The following RERG variants were observed in gnomAD, a reference collection of about 807,000 sequenced individuals.
RERG encodes the protein RAS like estrogen regulated growth inhibitor.
A neutral mutation model predicts 23.2 loss-of-function variants in RERG; 25 were observed. The ratio of observed to expected loss-of-function variants is 1.08; its 90% CI spans 0.79 to 1.50. The LOEUF is 1.50. RERG is among the 40% of genes most tolerant of loss of function. The probability of loss-of-function intolerance (pLI) is 0.00; values close to 1 mark genes in which losing one functional copy is unlikely to be tolerated. For missense variants in RERG, 253 were observed against 250.1 expected, an observed-to-expected ratio of 1.01 and a Z score of -0.08; for synonymous variants, 81 against 89.1, an observed-to-expected ratio of 0.91 and a Z score of 0.51.
chr12:15,205,513 C>T (rs1020870202), intron 2 of RERG, among the ~76,000 whole-genome samples: 6 of 152,014 alleles, frequency 3.9e-5, no homozygotes, highest in African/African-American at 1.4e-4. Flanking sequence ...CACTGTTATT[C>T]ATACTACCAT....
intron 2 of RERG, among the ~76,000 whole-genome samples, chr12:15,126,683 A>G (rs546248380): frequency 6.6e-6 from 1 of 151,890 alleles, no homozygotes; most frequent in African/African-American, 2.4e-5. Context: ...TTTAAAATGT[A>G]CTAACTCATA....
chr12:15,137,802 G>C (rs1356012728), intron 2 of RERG: 2 of 427,132 alleles, frequency 4.7e-6, no homozygotes, highest in Non-Finnish European at 9.2e-6. Flanking sequence ...TAAATTAAGA[G>C]TAAGAAAAAT....
At chr12:15,113,338 C>G (rs4417352) in intron 3 of RERG, among the ~76,000 whole-genome samples, 4,386 of 151,584 alleles carry the variant, frequency 0.029, 216 homozygotes, top group African/African-American at 0.1. Context: ...AAAACAAAAC[C>G]AAAGCATGGT....
At chr12:15,177,143 C>T (rs10846158) in intron 2 of RERG, among the ~76,000 whole-genome samples, 17,686 of 152,232 alleles carry the variant, frequency 0.12, 1,049 homozygotes, top group Middle Eastern at 0.16. Context: ...ATGATAAGTT[C>T]TAGTTTCTTA....
chr12:15,178,388 G>A (rs575179155), intron 2 of RERG, among the ~76,000 whole-genome samples: 3 of 128,050 alleles, frequency 2.3e-5, no homozygotes, highest in South Asian at 2.5e-4. Context: ...ACTAATAAAT[G>A]AGCTTGATCT....
chr12:15,188,652 A>G (rs1438776091), intron 2 of RERG, among the ~76,000 whole-genome samples: 1 of 152,258 alleles, frequency 6.6e-6, no homozygotes, highest in Non-Finnish European at 1.5e-5. Context: ...TATCTAGCAC[A>G]TAACAGGTGG....
At chr12:15,197,473 GCT>G (rs1235045393) in intron 2 of RERG, among the ~76,000 whole-genome samples, 2 of 152,134 alleles carry the variant, frequency 1.3e-5, no homozygotes, top group Non-Finnish European at 2.9e-5. Context: ...TCAGGTACCA[GCT>G]CTGCCACTTA....
intron 2 of RERG, among the ~76,000 whole-genome samples, chr12:15,168,063 T>C (rs531638439): frequency 1.3e-5 from 2 of 152,350 alleles, no homozygotes; most frequent in Admixed American, 6.5e-5. Context: ...CACCTTTTTG[T>C]TGGGACACTC....
intron 2 of RERG, among the ~76,000 whole-genome samples, chr12:15,144,439 G>C (rs1171711743): frequency 6.6e-6 from 1 of 152,174 alleles, no homozygotes; most frequent in African/African-American, 2.4e-5. Context: ...ACTTTAAACA[G>C]TTGGGCTGAT....
intron 2 of RERG, among the ~76,000 whole-genome samples, chr12:15,168,409 G>C (rs1864727693): frequency 6.6e-6 from 1 of 152,136 alleles, no homozygotes. Context: ...TGACTCCCCA[G>C]AGGTTTTTCA....
At chr12:15,200,971 C>A (rs1487289405) in intron 2 of RERG, among the ~76,000 whole-genome samples, 1 of 151,884 alleles carries the variant, frequency 6.6e-6, no homozygotes, top group Non-Finnish European at 1.5e-5. Flanking sequence ...ACTTCCTTCA[C>A]ATACTGCTGG....
At chr12:15,166,142 C>T (rs907255952) in intron 2 of RERG, among the ~76,000 whole-genome samples, 1 of 152,188 alleles carries the variant, frequency 6.6e-6, no homozygotes, top group Non-Finnish European at 1.5e-5. Flanking sequence ...TTATTGTTAT[C>T]AACTTCTTAA....
At chr12:15,142,223 T>C (rs1182699909) in intron 2 of RERG, among the ~76,000 whole-genome samples, 1 of 152,214 alleles carries the variant, frequency 6.6e-6, no homozygotes, top group Middle Eastern at 3.2e-3. Context: ...CAAGAGTCAT[T>C]ACCTTATTCA....
chr12:15,138,738 A>G (rs1864184475), intron 2 of RERG, among the ~76,000 whole-genome samples: 1 of 151,902 alleles, frequency 6.6e-6, no homozygotes, highest in African/African-American at 2.4e-5. Context: ...TTGCTTTGTG[A>G]ATAACTTTCT....
intron 2 of RERG, among the ~76,000 whole-genome samples, chr12:15,173,185 T>A (rs1228099021): frequency 6.6e-6 from 1 of 152,058 alleles, no homozygotes; most frequent in Non-Finnish European, 1.5e-5. Context: ...ACTTCATTCT[T>A]TTGCATTCAG....
At chr12:15,119,592 T>G (rs891016491) in intron 3 of RERG, among the ~76,000 whole-genome samples, 1 of 152,084 alleles carries the variant, frequency 6.6e-6, no homozygotes, top group Admixed American at 6.6e-5. Context: ...AATAATTTTT[T>G]TAAAAAATCG....
Position 15,211,782 on chromosome 12 carries a change from A to G in RERG, c.61+5647T>C, listed in dbSNP as rs151149264. On this transcript the variant is annotated intron_variant, in intron 2 of 4. Transcript: ENST00000256953. The stretch of plus-strand genomic sequence containing the variant: ...CATATATGTATCAAAACATCAAATT[A>G]TACTCTATAAACATTTATAGTTACT... 6.9e-3 allele frequency among the ~76,000 whole-genome samples: 1,045 copies of G among 152,322 alleles called. 5 individuals are homozygous for G. The highest frequency in any genetic ancestry group is 0.011 in the Non-Finnish European group (737 of 68,012).
intron 2 of RERG, among the ~76,000 whole-genome samples, chr12:15,205,562 T>C (rs937863537): frequency 6.6e-6 from 1 of 152,094 alleles, no homozygotes; most frequent in African/African-American, 2.4e-5. Context: ...AAACTCAACA[T>C]GTGTTGCCAA....
chr12:15,150,238 T>C (rs1565520203), intron 2 of RERG, among the ~76,000 whole-genome samples: 1 of 152,228 alleles, frequency 6.6e-6, no homozygotes, highest in Non-Finnish European at 1.5e-5. Context: ...CTGTGTAATA[T>C]GCATTTTTAT....
Sources: gnomAD v4.1 joint callset for allele counts (sites outside exome capture counted in the v4.1 genomes callset) on GRCh38, gnomAD v4.1.1 for gene constraint, MANE v1.5 for transcripts, NCBI Gene and HGNC (gene_info 2026-07-23, HGNC 2026-07-21) for gene names.